Variants in PRKCA observed in about 807,000 individuals in gnomAD.
PRKCA encodes the protein protein kinase C alpha type.
Under a neutral mutation model 87.0 loss-of-function variants are expected in PRKCA, and 27 were observed. The ratio of observed to expected loss-of-function variants is 0.31; its 90% confidence interval spans 0.23 to 0.43. The LOEUF is 0.43. Among genes scored for constraint, PRKCA ranks in the 20% least tolerant of loss-of-function variants. The probability of loss-of-function intolerance (pLI) is 1.00; values close to 1 mark genes in which losing one functional copy is unlikely to be tolerated. For missense variants in PRKCA, 518 were observed against 852.3 expected, an observed-to-expected ratio of 0.61 and a Z score of 4.88; for synonymous variants, 329 against 311.1, an observed-to-expected ratio of 1.06 and a Z score of -0.61.
chr17:66,752,230 G>A (rs1974448206), intron 13 of PRKCA, among the ~76,000 whole-genome samples: 1 of 152,198 alleles, frequency 6.6e-6, no homozygotes, highest in Admixed American at 6.5e-5. Context: ...GGAAAGCCTT[G>A]TCCATTATTT....
At chr17:66,308,331 A>G (rs1904925834) in intron 2 of PRKCA, among the ~76,000 whole-genome samples, 1 of 152,082 alleles carries the variant, frequency 6.6e-6, no homozygotes, top group South Asian at 2.1e-4. Context: ...TTTTTTACCA[A>G]TCTGGTAGGT....
chr17:66,621,483 C>T (rs371989977), intron 3 of PRKCA, among the ~76,000 whole-genome samples: 6 of 152,182 alleles, frequency 3.9e-5, no homozygotes, highest in African/African-American at 1.4e-4. Context: ...TCAATCATAC[C>T]ACCCGTTTTG....
At chr17:66,794,260 T>G (rs1251078081) in intron 16 of PRKCA, among the ~76,000 whole-genome samples, 1 of 152,180 alleles carries the variant, frequency 6.6e-6, no homozygotes, top group Non-Finnish European at 1.5e-5. Flanking sequence ...AAAATAGAAC[T>G]TTCTTCAGGA....
At chr17:66,674,391 C>T (rs1173449684) in intron 5 of PRKCA, among the ~76,000 whole-genome samples, 1 of 152,178 alleles carries the variant, frequency 6.6e-6, no homozygotes, top group African/African-American at 2.4e-5. Context: ...ACTCAGTTCA[C>T]GCATGGTGCT....
chr17:66,798,060 T>G (rs1272905729), intron 16 of PRKCA, among the ~76,000 whole-genome samples: 1 of 152,146 alleles, frequency 6.6e-6, no homozygotes, highest in Non-Finnish European at 1.5e-5. Flanking sequence ...GAGGTGGTGA[T>G]CCACCTGCCT....
intron 2 of PRKCA, among the ~76,000 whole-genome samples, chr17:66,413,617 C>T (rs976526978): frequency 6.6e-6 from 1 of 152,186 alleles, no homozygotes; most frequent in Non-Finnish European, 1.5e-5. Flanking sequence ...GCTCCCATTA[C>T]CCAACAGATT....
chr17:66,486,876 A>G (rs1418965011), intron 2 of PRKCA, among the ~76,000 whole-genome samples: 1 of 152,144 alleles, frequency 6.6e-6, no homozygotes, highest in Non-Finnish European at 1.5e-5. Flanking sequence ...CAGATATCAA[A>G]ATACCATCCA....
chr17:66,318,363 A>T (rs1905438688), intron 2 of PRKCA, among the ~76,000 whole-genome samples: 1 of 152,150 alleles, frequency 6.6e-6, no homozygotes, highest in Non-Finnish European at 1.5e-5. Context: ...TTAGGTGCTA[A>T]TTCAAGTTTA....
At chr17:66,795,073 G>A (rs1975635879) in intron 16 of PRKCA, among the ~76,000 whole-genome samples, 1 of 152,046 alleles carries the variant, frequency 6.6e-6, no homozygotes, top group South Asian at 2.1e-4. Flanking sequence ...TGAACCATTT[G>A]AGAGTAAGTT....
chr17:66,491,980 G>A (rs1916264869), intron 2 of PRKCA, among the ~76,000 whole-genome samples: 1 of 151,980 alleles, frequency 6.6e-6, no homozygotes, highest in South Asian at 2.1e-4. Context: ...GTGTTGGGGA[G>A]GAGAGGGGGC....
rs373447245 is a variant in PRKCA at position 66,566,929 on chromosome 17, G to A, written c.288+70646G>A. Among the ~76,000 whole-genome samples, 25 of 152,142 alleles carry A rather than the reference G, an allele frequency of 1.6e-4. 1 individual carries two copies. The highest frequency in any genetic ancestry group is 3.4e-4 in the African/African-American group (14 of 41,418). ...AGCTGTTTGGGGCAAGATGCTTAATGAAAGGATGTTTTGTAATTTAGAGAG... is the reference window on the plus strand; with the variant it reads ...AGCTGTTTGGGGCAAGATGCTTAATAAAAGGATGTTTTGTAATTTAGAGAG... On this transcript the variant is annotated intron_variant, in intron 3 of 16. Coordinates refer to ENST00000413366, the MANE Select transcript of PRKCA (RefSeq NM_002737.3).
chr17:66,771,739 G>T (rs12603887), intron 13 of PRKCA, among the ~76,000 whole-genome samples: 11,937 of 152,100 alleles, frequency 0.078, 672 homozygotes, highest in East Asian at 0.2. Flanking sequence ...GGGACTACAG[G>T]CAGGCATCAC....
Position 66,809,022 on chromosome 17 carries a change from A to G in PRKCA, c.*4985A>G, listed in dbSNP as rs918250334. On this transcript the variant is annotated 3_prime_UTR_variant, in exon 17 of 17. Transcript: ENST00000413366. ...CCACGCCCAGCCAAAATATTTTTTTAAAGTCATTTTCCTTAAGCTGCTTGG... is the reference window on the plus strand; with the variant it reads ...CCACGCCCAGCCAAAATATTTTTTTGAAGTCATTTTCCTTAAGCTGCTTGG... The G allele has an allele frequency of 6.6e-6, 1 of 152,248 alleles. No individual in the cohort carries two copies. The highest frequency in any genetic ancestry group is 2.4e-5 in the African/African-American group (1 of 41,450). The allele number at this position is 152,248 out of a possible 1,614,324, so 9.4% of individuals were successfully genotyped here.
At chr17:66,680,307 C>T (rs2143998595) in intron 5 of PRKCA, among the ~76,000 whole-genome samples, 1 of 152,282 alleles carries the variant, frequency 6.6e-6, no homozygotes, top group African/African-American at 2.4e-5. Flanking sequence ...ATTTTGTTTA[C>T]TCTCGCTTTT....
In PRKCA at chr17:66,504,495, G is replaced by A. The variant is rs1001423868; in HGVS notation, c.288+8212G>A. Among the ~76,000 whole-genome samples the A allele has an allele frequency of 7.2e-5, 11 of 152,204 alleles. No individual in the cohort carries two copies. The East Asian group carries it at 2.1e-3, about 29-fold the overall frequency. On this transcript the variant is annotated intron_variant, in intron 3 of 16. Transcript: ENST00000413366. ...TAATCCCAGCTACTTGGGAGACTGA[G>A]GCAGGAGAATTGCCTGAACCTGGGA...
At chr17:66,770,738 T>G (rs1318140283) in intron 13 of PRKCA, among the ~76,000 whole-genome samples, 1 of 152,122 alleles carries the variant, frequency 6.6e-6, no homozygotes, top group African/African-American at 2.4e-5. Flanking sequence ...AGAGTGAGGG[T>G]TCCAACTTTT....
intron 2 of PRKCA, among the ~76,000 whole-genome samples, chr17:66,333,142 G>A (rs922621120): frequency 6.6e-6 from 1 of 152,120 alleles, no homozygotes; most frequent in African/African-American, 2.4e-5. Flanking sequence ...TGCCATACAT[G>A]GAAATAGCTT....
At chr17:66,591,548 G>T (rs1201007789) in intron 3 of PRKCA, among the ~76,000 whole-genome samples, 1 of 152,136 alleles carries the variant, frequency 6.6e-6, no homozygotes, top group Non-Finnish European at 1.5e-5. Flanking sequence ...CTAAAATCAA[G>T]TTCTTGTTTT....
rs544183657 is a variant in PRKCA at position 66,370,622 on chromosome 17, G to A, written c.205+64495G>A. 1.8e-4 allele frequency among the ~76,000 whole-genome samples: 27 copies of A among 146,088 alleles called. No individual in the cohort carries two copies. The South Asian group carries it at 5.9e-3, about 32-fold the overall frequency. ...GATGCGTGTAGTGGTGTGATCATAG[G>A]TCACTGCAACCTGGAACTCCCAGGC... is the stretch of plus-strand genomic sequence containing the variant. On this transcript the variant is annotated intron_variant, in intron 2 of 16. Transcript: ENST00000413366.
Sources: gnomAD v4.1 joint callset for allele counts (sites outside exome capture counted in the v4.1 genomes callset) on GRCh38, gnomAD v4.1.1 for gene constraint, MANE v1.5 for transcripts, NCBI Gene and HGNC (gene_info 2026-07-23, HGNC 2026-07-21) for gene names.